The following SYNE2 variants were observed in gnomAD, a reference collection of about 807,000 sequenced individuals.
The protein encoded by SYNE2 is spectrin repeat containing nuclear envelope protein 2, also known as nesprin-2.
SYNE2 carries 431 observed loss-of-function variants against 856.3 expected under a neutral mutation model. That is an observed-to-expected ratio of 0.50 (90% CI 0.47 to 0.55). The LOEUF is 0.55. Ranked by LOEUF, SYNE2 falls within the 20% of genes least tolerant of loss-of-function variation. The pLI, the probability that SYNE2 is intolerant of heterozygous loss-of-function variation, is 0.00. For missense variants in SYNE2, 8,129 were observed against 8,023.2 expected (o/e 1.01, Z -0.50); for synonymous variants, 2,923 against 2,872.3 (o/e 1.02, Z -0.56).
intron 32 of SYNE2, among the ~76,000 whole-genome samples, chr14:64,014,972 TATACAC>T (rs2096878897): frequency 4.8e-5 from 4 of 83,944 alleles, no homozygotes; most frequent in Admixed American, 1.4e-4. Context: ...TATATATATA[TATACAC>T]ACACACACAC....
intron 6 of SYNE2, among the ~76,000 whole-genome samples, chr14:63,944,693 G>C (rs1167828676): frequency 4.6e-5 from 7 of 151,048 alleles, no homozygotes; most frequent in Non-Finnish European, 8.8e-5. Context: ...CCTAATTTTT[G>C]TATTTTTAGA....
chr14:64,219,110 T>TGTTTTG lies in SYNE2; in HGVS notation c.19658-98_19658-97insGTTTTG, dbSNP rs1555556136. 8.8e-6 allele frequency: 8 copies of TGTTTTG among 906,528 alleles called. No individual in the cohort carries two copies. In the African/African-American group the frequency reaches 1.6e-4, roughly 19 times the overall value. The allele number at this position is 906,528 out of a possible 1,614,324, so 56.2% of individuals were successfully genotyped here. On this transcript the variant is annotated intron_variant, in intron 109 of 115. Coordinates refer to ENST00000555002, the MANE Select transcript of SYNE2 (RefSeq NM_182914.3). ...AATCCCCTACAGTTTTTTTGTTTTT[T>TGTTTTG]TTTTTTTTTTTTTTAACCACCCTGA... is the stretch of plus-strand genomic sequence containing the variant.
Position 64,225,038 on chromosome 14 carries a change from GA to G in SYNE2, c.20510del (p.Glu6837GlyfsTer62). ...AACTACAGAAGGCGAGGAGGAGACA[GA>G]GAGCAGGTAACGGGGCTTTACCGTG... ...VRTTEGEEET[E>X]SRVPGSTRPQ... On this transcript the variant is annotated frameshift_variant, in exon 115 of 116. Transcript: ENST00000555002. LOFTEE classifies it high-confidence loss of function. 1 of 1,613,990 alleles carries G rather than the reference GA, an allele frequency of 6.2e-7. No homozygotes were observed. Among genetic ancestry groups the G allele is most frequent in the Non-Finnish European group, 8.5e-7 (1 of 1,179,950 alleles).
In SYNE2 at chr14:63,982,806, T is replaced by G. The variant is rs752742638; in HGVS notation, c.2001+12T>G. On this transcript the variant is annotated intron_variant, in intron 17 of 115. Transcript: ENST00000555002. ...CAAAAACTCAACTTGTAAGTTCTTT[T>G]GATTGGTTGCAGCTTTATTTAGATA... 1 of 1,613,354 alleles carries G rather than the reference T, an allele frequency of 6.2e-7. No individual in the cohort carries two copies. The highest frequency in any genetic ancestry group is 8.5e-7 in the Non-Finnish European group (1 of 1,179,500).
rs780005869 is a variant in SYNE2 at position 64,177,333 on chromosome 14, C to T, written c.17431-25C>T. The T allele has an allele frequency of 4.3e-6, 7 of 1,613,692 alleles. 1 individual carries two copies. The South Asian group carries it at 6.6e-5, about 15-fold the overall frequency. ...TCATTCTAAAGAGCAAAATACTTAC[C>T]AGTTTTAATCTTGTTTTCAAATAGA... is the stretch of plus-strand genomic sequence containing the variant. On this transcript the variant is annotated intron_variant, in intron 95 of 115. Coordinates refer to ENST00000555002, the MANE Select transcript of SYNE2 (RefSeq NM_182914.3).
At chr14:64,025,932 A>G (rs2096974682) in intron 41 of SYNE2, among the ~76,000 whole-genome samples, 1 of 152,138 alleles carries the variant, frequency 6.6e-6, no homozygotes, top group Non-Finnish European at 1.5e-5. Context: ...AAATTTAATT[A>G]TAATAAATTT....
chr14:64,152,769 T>A (rs2098254436), intron 85 of SYNE2, 53 bp downstream of exon 85: 6 of 1,609,036 alleles, frequency 3.7e-6, no homozygotes, highest in Non-Finnish European at 5.1e-6. Flanking sequence ...TCTTTTACCT[T>A]ATTTGTCGTT....
At chr14:63,941,375 G>A (rs1440749814) in intron 3 of SYNE2, among the ~76,000 whole-genome samples, 7 of 152,202 alleles carry the variant, frequency 4.6e-5, no homozygotes, top group Admixed American at 4.6e-4. Flanking sequence ...CTCCAGAAAT[G>A]TAATCTGCTT....
chr14:63,936,156 A>G (rs778983084), intron 2 of SYNE2, among the ~76,000 whole-genome samples: 17 of 152,190 alleles, frequency 1.1e-4, no homozygotes, highest in Non-Finnish European at 2.4e-4. Flanking sequence ...TACAGGCGTG[A>G]GCCACCGTGC....
At chr14:64,016,696 AT>A in intron 33 of SYNE2, 65 bp downstream of exon 33, 1 of 1,087,094 alleles carries the variant, frequency 9.2e-7, no homozygotes, top group Non-Finnish European at 1.4e-6. Flanking sequence ...TATCTTTAGT[AT>A]TTTTATTTAA....
chr14:63,896,332 G>A (rs2095252419), intron 1 of SYNE2, among the ~76,000 whole-genome samples: 1 of 152,168 alleles, frequency 6.6e-6, no homozygotes, highest in Admixed American at 6.5e-5. Flanking sequence ...ATCCTGCATA[G>A]TAAGGCTTGT....
In SYNE2 at chr14:63,976,554, T is replaced by C. The variant is rs1425516357; in HGVS notation, c.1129-9T>C. 2.5e-6 allele frequency: 4 copies of C among 1,595,428 alleles called. No individual in the cohort carries two copies. The highest frequency in any genetic ancestry group is 3.4e-6 in the Non-Finnish European group (4 of 1,173,884). On this transcript the variant is annotated splice_polypyrimidine_tract_variant and intron_variant, in intron 11 of 115. Coordinates refer to ENST00000555002, the MANE Select transcript of SYNE2 (RefSeq NM_182914.3). ...AAGAATATGTTCTTTTTTTTTTTTT[T>C]TTTTTCAGATTAATGCATGGAAAAT... is the stretch of plus-strand genomic sequence containing the variant.
At chr14:64,101,833 A>G in intron 63 of SYNE2, 99 bp from the exon 64 acceptor site, 2 of 839,222 alleles carry the variant, frequency 2.4e-6, no homozygotes, top group Non-Finnish European at 2.0e-6. Context: ...ACACTGCCTG[A>G]TAAGTTGAGT....
Position 63,985,673 on chromosome 14 carries a change from C to T in SYNE2, c.2152-783C>T, listed in dbSNP as rs796345446. On this transcript the variant is annotated intron_variant, in intron 18 of 115. Transcript: ENST00000555002. ...ATGATATTATAATTAAGTAAGAAAC[C>T]GTGAACAAACTTTTTAAAAATTTGC... 4.6e-4 allele frequency among the ~76,000 whole-genome samples: 70 copies of T among 152,090 alleles called. 2 individuals are homozygous for T. The highest frequency in any genetic ancestry group is 3.0e-3 in the Admixed American group (46 of 15,274).
chr14:64,026,984 A>G (rs1397100776), intron 42 of SYNE2, among the ~76,000 whole-genome samples: 1 of 152,238 alleles, frequency 6.6e-6, no homozygotes, highest in African/African-American at 2.4e-5. Flanking sequence ...AACATTGATA[A>G]ATGTTGGCTG....
chr14:63,967,396 GAACA>G (rs1277578076), intron 10 of SYNE2, among the ~76,000 whole-genome samples: 3 of 152,118 alleles, frequency 2.0e-5, no homozygotes, highest in Non-Finnish European at 2.9e-5. Flanking sequence ...TACTTGCGGA[GAACA>G]AACAAACTCA....
intron 1 of SYNE2, among the ~76,000 whole-genome samples, chr14:63,774,077 G>A (rs1193202492): frequency 6.6e-6 from 1 of 152,168 alleles, no homozygotes; most frequent in African/African-American, 2.4e-5. Context: ...GCTCATGCCT[G>A]TAATCCTGGC....
At position 64,070,848 on chromosome 14, in the gene SYNE2, A is replaced by G. The variant is rs954116682; in HGVS notation, c.10635A>G (p.Ser3545=). 8.1e-6 allele frequency: 13 copies of G among 1,614,092 alleles called. No homozygotes were observed. The highest frequency in any genetic ancestry group is 1.6e-4 in the Middle Eastern group (1 of 6,084). Reference sequence around the variant, plus strand: ...GTATCCAGAATGTTCCTGAAAGCTCAGGGGCTGTGGAAACTGTTCCAGCAT... The same window carrying G: ...GTATCCAGAATGTTCCTGAAAGCTCGGGGGCTGTGGAAACTGTTCCAGCAT... The part of the protein sequence containing the change: ...IRSIQNVPES[S]GAVETVPAFQ... The change falls in exon 52 of 116, where the codon TCA becomes TCG. Residue 3545 remains serine (S), a synonymous_variant. Transcript: ENST00000555002.
intron 7 of SYNE2, among the ~76,000 whole-genome samples, chr14:63,952,023 A>G (rs955642824): frequency 3.9e-5 from 6 of 152,186 alleles, no homozygotes; most frequent in African/African-American, 1.2e-4. Flanking sequence ...TTATTTCAAT[A>G]TCCTGTGTTT....
Sources: gnomAD v4.1 joint callset for allele counts (sites outside exome capture counted in the v4.1 genomes callset) on GRCh38, gnomAD v4.1.1 for gene constraint, MANE v1.5 for transcripts, NCBI Gene and HGNC (gene_info 2026-07-23, HGNC 2026-07-21) for gene names.